The following TSC1 variants were observed in gnomAD, a reference collection of about 807,000 sequenced individuals.
The protein encoded by TSC1 is hamartin.
In TSC1, 20 loss-of-function variants were observed where a neutral mutation model predicts 124.3. That is an observed-to-expected ratio of 0.16 (90% confidence interval 0.11 to 0.23). The LOEUF is 0.23. TSC1 is among the 10% of genes least tolerant of loss of function. The pLI, the probability that TSC1 is intolerant of heterozygous loss-of-function variation, is 1.00. For missense variants in TSC1, 1,124 were observed against 1,448.5 expected, an observed-to-expected ratio of 0.78 and a Z score of 3.64; for synonymous variants, 493 against 539.1, an observed-to-expected ratio of 0.91 and a Z score of 1.19.
rs768858045 is a variant in TSC1 at position 132,894,892 on chromosome 9, C to T, written c.*1343G>A. On this transcript the variant is annotated 3_prime_UTR_variant, in exon 23 of 23. Transcript: ENST00000298552. ...CCCTGCCTCAGCTGGAACACCAGAC[C>T]ACAGTTCTTAGGCTTCTAGCGTTTC... is the stretch of plus-strand genomic sequence containing the variant. 1 of 231,618 alleles carries T rather than the reference C, an allele frequency of 4.3e-6. No homozygotes were observed. The highest frequency in any genetic ancestry group is 8.5e-6 in the Non-Finnish European group (1 of 117,020). The allele number at this position is 231,618 out of a possible 1,614,324, so 14.3% of individuals were successfully genotyped here.
rs1350545510 is a variant in TSC1 at position 132,897,343 on chromosome 9, C to A, written c.2816G>T (p.Gly939Val). ...CCTGCTCTCTGCGGCCTGCAGCTGT[C>A]CTCTGAAAGATACAGACCAGCCAGA... is the stretch of plus-strand genomic sequence containing the variant. ...YLEDVKLQAR[G>V]QLQAAESRYE... Residue 939 changes from glycine to valine, a missense_variant and splice_region_variant, in exon 22 of 23, where the codon GGA (glycine) becomes GTA (valine). Gly to Val is a moderately radical substitution (Grantham distance 109, BLOSUM62 -3). Around this residue, in one of 5 missense-constraint regions of TSC1, gnomAD observed 325 missense variants for 383.4 expected, o/e 0.85. Transcript: ENST00000298552. 1 of 1,614,160 alleles carries A rather than the reference C, an allele frequency of 6.2e-7. No individual in the cohort carries two copies. The highest frequency in any genetic ancestry group is 2.2e-5 in the East Asian group (1 of 44,890).
At chr9:132,932,573 A>C (rs753380294) in intron 2 of TSC1, among the ~76,000 whole-genome samples, 2 of 152,198 alleles carry the variant, frequency 1.3e-5, no homozygotes, top group Non-Finnish European at 2.9e-5. Context: ...CCATGGAATT[A>C]ATAAGAGCCA....
chr9:132,906,548 CAA>C lies in TSC1; in HGVS notation c.1438+181_1438+182del, dbSNP rs11349075. On this transcript the variant is annotated intron_variant, in intron 14 of 22. Coordinates refer to ENST00000298552, the MANE Select transcript of TSC1 (RefSeq NM_000368.5). The surrounding 1 kb of genome is among the most constrained non-coding windows in gnomAD (Gnocchi z 4.1). ...AGGGTGACAGAGCAAGACCCTGTCT[CAA>C]AAAAAAAAAAAAAAAAAGTGGCATC... 19,867 of 375,162 alleles carry C rather than the reference CAA, an allele frequency of 0.053. No homozygotes were observed. Among genetic ancestry groups the C allele is most frequent in the East Asian group, 0.058 (1,231 of 21,348 alleles). 23.2% of individuals were successfully genotyped at this position (375,162 alleles called of 1,614,324 possible). A position where few individuals can be genotyped will look rare whatever the true frequency, so the allele number is the denominator to read the frequency against.
chr9:132,939,675 A>G (rs1436823513), intron 1 of TSC1, among the ~76,000 whole-genome samples: 1 of 152,262 alleles, frequency 6.6e-6, no homozygotes, highest in Non-Finnish European at 1.5e-5. Context: ...TATTTCAAAA[A>G]GACACTACGC....
In TSC1 at chr9:132,896,232, T is replaced by C; in HGVS notation, c.*3A>G. 1 of 1,614,198 alleles carries C rather than the reference T, an allele frequency of 6.2e-7. No homozygotes were observed. The highest frequency in any genetic ancestry group is 8.5e-7 in the Non-Finnish European group (1 of 1,180,038). On this transcript the variant is annotated 3_prime_UTR_variant, in exon 23 of 23. Transcript: ENST00000298552. The surrounding 1 kb of genome is among the most constrained non-coding windows in gnomAD (Gnocchi z 4.5). Reference sequence around the variant, plus strand: ...CAAGTTAACACTGATTGACCATCATTCCTTAGCTGTGTTCATGATGAGTCT... The same window carrying C: ...CAAGTTAACACTGATTGACCATCATCCCTTAGCTGTGTTCATGATGAGTCT...
At chr9:132,912,135 T>C in intron 9 of TSC1, 147 bp downstream of exon 9, 1 of 903,180 alleles carries the variant, frequency 1.1e-6, no homozygotes, top group Non-Finnish European at 1.7e-6. Flanking sequence ...TAGAAGAAAA[T>C]GGAGGGACAT....
chr9:132,935,027 G>C lies in TSC1; in HGVS notation c.-81+6C>G, dbSNP rs1024761366. On this transcript the variant is annotated splice_donor_region_variant and intron_variant, in intron 2 of 22. Coordinates refer to ENST00000298552, the MANE Select transcript of TSC1 (RefSeq NM_000368.5). ...TCCTCTAACCACTGGCCTGGTTATA[G>C]CTTACCTGTTCTAGCGACAACTGGT... is the stretch of plus-strand genomic sequence containing the variant. 5 of 398,954 alleles carry C rather than the reference G, an allele frequency of 1.3e-5. No individual in the cohort carries two copies. The highest frequency in any genetic ancestry group is 1.8e-5 in the Non-Finnish European group (4 of 226,090). 24.7% of individuals were successfully genotyped at this position (398,954 alleles called of 1,614,324 possible). A position where few individuals can be genotyped will look rare whatever the true frequency, so the allele number is the denominator to read the frequency against.
chr9:132,926,182 G>A (rs759833533), intron 4 of TSC1: 2 of 216,902 alleles, frequency 9.2e-6, no homozygotes, highest in Non-Finnish European at 1.9e-5. Flanking sequence ...AACAAGACGG[G>A]CCAGGCGCAG....
intron 1 of TSC1, chr9:132,941,985 TGG>T (rs1847761845): frequency 1.3e-5 from 2 of 152,194 alleles, no homozygotes; most frequent in African/African-American, 4.8e-5. Context: ...AAGCCTGAAA[TGG>T]TTGAGATATT....
chr9:132,896,052 G>A lies in TSC1; in HGVS notation c.*183C>T. The A allele has an allele frequency of 1.2e-6, 1 of 819,642 alleles. No homozygotes were observed. Among genetic ancestry groups the A allele is most frequent in the Non-Finnish European group, 2.0e-6 (1 of 494,868 alleles). The allele number at this position is 819,642 out of a possible 1,614,324, so 50.8% of individuals were successfully genotyped here. Reference sequence around the variant, plus strand: ...GGGCGGGTGGAGGGGAAGGTCAAGAGGCATTTCAATGCCAGATCCAAAAAC... The same window carrying A: ...GGGCGGGTGGAGGGGAAGGTCAAGAAGCATTTCAATGCCAGATCCAAAAAC... On this transcript the variant is annotated 3_prime_UTR_variant, in exon 23 of 23. Coordinates refer to ENST00000298552, the MANE Select transcript of TSC1 (RefSeq NM_000368.5). This position sits in a 1 kb window ranked among gnomAD's most constrained non-coding sequence, Gnocchi z 4.5.
chr9:132,941,134 T>C (rs1342207432), intron 1 of TSC1: 3 of 152,196 alleles, frequency 2.0e-5, no homozygotes, highest in Non-Finnish European at 2.9e-5. Context: ...TAAAGCATGG[T>C]TTTTAAGACA....
At chr9:132,901,915 T>G (rs376319567) in intron 18 of TSC1, 3 of 547,572 alleles carry the variant, frequency 5.5e-6, no homozygotes, top group Non-Finnish European at 9.7e-6. Flanking sequence ...AGACCTTAGA[T>G]CCTCAGTTCC....
intron 12 of TSC1, among the ~76,000 whole-genome samples, chr9:132,908,790 T>C (rs1314258383): frequency 6.6e-6 from 1 of 152,044 alleles, no homozygotes; most frequent in Admixed American, 6.6e-5. Context: ...ATAATCATCT[T>C]TGTTATTACA....
chr9:132,901,977 C>T (rs979598802), intron 18 of TSC1: 2 of 390,590 alleles, frequency 5.1e-6, no homozygotes, highest in African/African-American at 2.1e-5. Context: ...CACAGGGATG[C>T]TGCAGAAAGA....
chr9:132,943,325 AT>A (rs1265075324), intron 1 of TSC1: 3 of 152,134 alleles, frequency 2.0e-5, no homozygotes, highest in African/African-American at 7.2e-5. Flanking sequence ...TTTTAGCCTA[AT>A]TTAGACTAAC....
In TSC1 at chr9:132,923,391, A is replaced by G. The variant is rs1453219029; in HGVS notation, c.465T>C (p.Phe155=). The part of the protein sequence containing the change: ...QSGKQHLLDF[F]DIFGRLSSWC... ...ATGATGACAGACGGCCAAAAATGTC[A>G]AAGAAATCAAGAAGATGCTGTTTCC... Residue 155 remains phenylalanine (F), a synonymous_variant, in exon 6 of 23, where the codon TTT becomes TTC. Transcript: ENST00000298552. This position sits in a 1 kb window ranked among gnomAD's most constrained non-coding sequence, Gnocchi z 4.2. 1 of 1,614,194 alleles carries G rather than the reference A, an allele frequency of 6.2e-7. No individual in the cohort carries two copies. The highest frequency in any genetic ancestry group is 8.5e-7 in the Non-Finnish European group (1 of 1,180,018).
At position 132,935,552 on chromosome 9, in the gene TSC1, T is replaced by C. The variant is rs145494736; in HGVS notation, c.-143-457A>G. On this transcript the variant is annotated intron_variant, in intron 1 of 22. Coordinates refer to ENST00000298552, the MANE Select transcript of TSC1 (RefSeq NM_000368.5). ...GTGGGGATTACATGAGATGATGCAT[T>C]CCATTGCCCTCGGCACAGCACGGGG... Among the ~76,000 whole-genome samples the C allele has an allele frequency of 1.2e-3, 178 of 152,342 alleles. 1 individual carries two copies. Among genetic ancestry groups the C allele is most frequent in the African/African-American group, 4.1e-3 (172 of 41,576 alleles).
intron 4 of TSC1, 116 bp from the exon 5 acceptor site, chr9:132,925,855 G>A: frequency 9.0e-6 from 12 of 1,336,804 alleles, no homozygotes; most frequent in Non-Finnish European, 1.2e-5. Flanking sequence ...TAAAGCAAGG[G>A]TCATGCAGAT....
At chr9:132,920,060 C>T (rs1288171366) in intron 8 of TSC1, among the ~76,000 whole-genome samples, 1 of 152,224 alleles carries the variant, frequency 6.6e-6, no homozygotes, top group Non-Finnish European at 1.5e-5. Flanking sequence ...TGTCCAGTGC[C>T]TTGCCCTTGC....
Sources: gnomAD v4.1 joint callset for allele counts (sites outside exome capture counted in the v4.1 genomes callset) on GRCh38, gnomAD v4.1.1 for gene constraint, gnomAD v4.1.1 regional missense constraint, Gnocchi (gnomAD v3.1) non-coding constraint, MANE v1.5 for transcripts, NCBI Gene and HGNC (gene_info 2026-07-23, HGNC 2026-07-21) for gene names.